The following AGMO variants were observed in gnomAD, a reference collection of about 807,000 sequenced individuals.
AGMO encodes the protein glyceryl-ether monooxygenase.
A neutral mutation model predicts 60.2 loss-of-function variants in AGMO; 75 were observed. That is an observed-to-expected ratio of 1.25 (90% CI 1.03 to 1.51). The LOEUF (loss-of-function observed/expected upper bound fraction) is 1.51. AGMO is among the 40% of genes most tolerant of loss of function. The probability of loss-of-function intolerance (pLI) is 0.00; values close to 1 mark genes in which losing one functional copy is unlikely to be tolerated. For synonymous variants in AGMO, 261 were observed against 177.1 expected (o/e 1.47, Z -3.76); for missense variants, 763 against 525.5 (o/e 1.45, Z -4.42).
At chr7:15,299,548 A>T (rs1295111737) in intron 12 of AGMO, among the ~76,000 whole-genome samples, 1 of 152,068 alleles carries the variant, frequency 6.6e-6, no homozygotes, top group Non-Finnish European at 1.5e-5. Context: ...TTATATGGCC[A>T]GGTGCGGTGG....
chr7:15,404,503 A>C (rs1199891801), intron 5 of AGMO, among the ~76,000 whole-genome samples: 1 of 151,922 alleles, frequency 6.6e-6, no homozygotes, highest in Non-Finnish European at 1.5e-5. Flanking sequence ...GAAAAACTGG[A>C]AACATTTATA....
At chr7:15,479,234 G>A (rs556195108) in intron 3 of AGMO, among the ~76,000 whole-genome samples, 145 of 152,284 alleles carry the variant, frequency 9.5e-4, no homozygotes, top group African/African-American at 3.4e-3. Flanking sequence ...TGTGATAACA[G>A]AGTTGAAGGT....
intron 12 of AGMO, among the ~76,000 whole-genome samples, chr7:15,245,305 C>G (rs62448959): frequency 6.2e-4 from 94 of 152,228 alleles, no homozygotes; most frequent in African/African-American, 1.9e-3. Flanking sequence ...GTTGTTTTCC[C>G]TGAGGTCTGG....
At chr7:15,270,324 G>T (rs114733850) in intron 12 of AGMO, among the ~76,000 whole-genome samples, 5 of 151,832 alleles carry the variant, frequency 3.3e-5, no homozygotes, top group Non-Finnish European at 7.4e-5. Context: ...ATTCTGAATG[G>T]TATGAGATGA....
intron 12 of AGMO, among the ~76,000 whole-genome samples, chr7:15,339,405 AC>A (rs1265400087): frequency 6.6e-6 from 1 of 152,228 alleles, no homozygotes; most frequent in Non-Finnish European, 1.5e-5. Flanking sequence ...GGATAAGTAC[AC>A]TTTAATTTAA....
chr7:15,238,303 C>A (rs927682077), intron 12 of AGMO, among the ~76,000 whole-genome samples: 1 of 151,570 alleles, frequency 6.6e-6, no homozygotes, highest in African/African-American at 2.4e-5. Context: ...TTAAGGCATA[C>A]AAAAATACAG....
chr7:15,389,955 C>T (rs1784070613), intron 8 of AGMO, among the ~76,000 whole-genome samples: 1 of 152,184 alleles, frequency 6.6e-6, no homozygotes, highest in African/African-American at 2.4e-5. Context: ...AAGTTCCTCA[C>T]TTACCGAATG....
At chr7:15,443,516 T>A (rs1484038572) in intron 3 of AGMO, among the ~76,000 whole-genome samples, 1 of 152,206 alleles carries the variant, frequency 6.6e-6, no homozygotes, top group African/African-American at 2.4e-5. Flanking sequence ...ATCAATCCAC[T>A]GCATTGTCAG....
At chr7:15,188,861 A>G in the AGMO span, among the ~76,000 whole-genome samples, 6 of 152,316 alleles carry the variant, frequency 3.9e-5, no homozygotes, top group South Asian at 1.2e-3. Context: ...TCTGATTTTG[A>G]TAAGAGCATT....
intron 3 of AGMO, among the ~76,000 whole-genome samples, chr7:15,485,648 G>C (rs571725667): frequency 1.4e-4 from 22 of 152,270 alleles, no homozygotes; most frequent in African/African-American, 4.1e-4. Flanking sequence ...AGAGAAGTTA[G>C]GGCCTGATGG....
At chr7:15,289,257 C>T (rs923173458) in intron 12 of AGMO, among the ~76,000 whole-genome samples, 7 of 138,626 alleles carry the variant, frequency 5.0e-5, no homozygotes, top group African/African-American at 1.1e-4. Context: ...GTAAATTACA[C>T]GAAATAAATT....
intron 3 of AGMO, among the ~76,000 whole-genome samples, chr7:15,451,608 C>T (rs950903064): frequency 1.3e-5 from 2 of 151,964 alleles, no homozygotes; most frequent in Non-Finnish European, 2.9e-5. Context: ...TCTATGACCC[C>T]TCTATTTGTA....
chr7:15,440,783 A>T (rs1221999272), intron 3 of AGMO, among the ~76,000 whole-genome samples: 1 of 152,232 alleles, frequency 6.6e-6, no homozygotes, highest in East Asian at 1.9e-4. Flanking sequence ...CCAATAAAAA[A>T]TGTGTAATTT....
chr7:15,197,150 G>T (rs1185298000), downstream of AGMO, among the ~76,000 whole-genome samples: 2 of 151,902 alleles, frequency 1.3e-5, no homozygotes, highest in Non-Finnish European at 2.9e-5. Flanking sequence ...TTAAGATTCT[G>T]AAAGTCAAAC....
At chr7:15,280,820 T>C (rs1783942493) in intron 12 of AGMO, among the ~76,000 whole-genome samples, 1 of 152,188 alleles carries the variant, frequency 6.6e-6, no homozygotes, top group Non-Finnish European at 1.5e-5. Flanking sequence ...ACCAGTTCAT[T>C]ACTACTACAA....
At chr7:15,260,444 G>C (rs1169417502) in intron 12 of AGMO, among the ~76,000 whole-genome samples, 1 of 151,912 alleles carries the variant, frequency 6.6e-6, no homozygotes, top group African/African-American at 2.4e-5. Context: ...ATGATAAAAG[G>C]ACTAGTACAA....
rs377090288 is a variant in AGMO at position 15,324,801 on chromosome 7, T to C, written c.1263+40713A>G. On this transcript the variant is annotated intron_variant, in intron 12 of 12. Transcript: ENST00000342526. ...GTGCATTTCACAATAGAGTTCGAGC[T>C]CCCATGAGAATCTAATGTCACCACT... 2.0e-5 allele frequency among the ~76,000 whole-genome samples: 3 copies of C among 152,142 alleles called. No individual in the cohort carries two copies. In the South Asian group the frequency reaches 6.2e-4, roughly 32 times the overall value.
intron 3 of AGMO, among the ~76,000 whole-genome samples, chr7:15,473,550 T>C (rs1782511900): frequency 6.6e-6 from 1 of 152,004 alleles, no homozygotes; most frequent in Non-Finnish European, 1.5e-5. Context: ...TAGGTACTGA[T>C]GGAATGTATC....
chr7:15,365,139 A>G (rs1459023330), intron 12 of AGMO, among the ~76,000 whole-genome samples: 2 of 151,932 alleles, frequency 1.3e-5, no homozygotes, highest in Non-Finnish European at 1.5e-5. Context: ...TGCAATTTTC[A>G]CCTTAAAAGC....
Sources: allele counts gnomAD v4.1 joint callset (sites outside exome capture counted in the v4.1 genomes callset), GRCh38; gene constraint gnomAD v4.1.1; transcripts MANE v1.5; gene names NCBI Gene and HGNC (gene_info 2026-07-23, HGNC 2026-07-21).